Variants in TRIO observed in about 807,000 individuals in gnomAD.
TRIO encodes trio Rho guanine nucleotide exchange factor.
TRIO carries 58 observed loss-of-function variants against 351.9 expected under a neutral mutation model. The observed-to-expected ratio is 0.16, with a 90% CI of 0.13 to 0.21. The LOEUF is 0.21. TRIO is among the 10% of genes least tolerant of loss of function. The probability of loss-of-function intolerance (pLI) is 1.00; values close to 1 mark genes in which losing one functional copy is unlikely to be tolerated. For synonymous variants in TRIO, 1,758 were observed against 1,595.7 expected, an observed-to-expected ratio of 1.10 and a Z score of -2.42; for missense variants, 3,201 against 4,027.8, an observed-to-expected ratio of 0.79 and a Z score of 5.56.
chr5:14,485,045 G>T, intron 46 of TRIO, 24 bp from the exon 47 acceptor site: 6 of 1,520,196 alleles, frequency 3.9e-6, no homozygotes, highest in Non-Finnish European at 5.3e-6. Flanking sequence ...TAGCTATTAT[G>T]AATAATGTTT....
At chr5:14,169,171 T>A (rs998584289) in intron 1 of TRIO, among the ~76,000 whole-genome samples, 1 of 129,634 alleles carries the variant, frequency 7.7e-6, no homozygotes, top group Non-Finnish European at 1.8e-5. Context: ...TCCGTTATAT[T>A]CTTTTTTAAT....
intron 2 of TRIO, among the ~76,000 whole-genome samples, chr5:14,276,014 A>ATT (rs1468952979): frequency 1.3e-5 from 2 of 148,498 alleles, no homozygotes; most frequent in South Asian, 4.2e-4. Context: ...GTATATATAT[A>ATT]GTTAATTCAG....
At chr5:14,201,122 T>G (rs1561194698) in intron 1 of TRIO, among the ~76,000 whole-genome samples, 1 of 152,026 alleles carries the variant, frequency 6.6e-6, no homozygotes. Flanking sequence ...TAGCCGGGCG[T>G]TGTGCCACGT....
intron 1 of TRIO, among the ~76,000 whole-genome samples, chr5:14,254,073 G>A (rs530033795): frequency 4.6e-5 from 7 of 152,132 alleles, no homozygotes; most frequent in African/African-American, 1.7e-4. Flanking sequence ...TTCTAATATG[G>A]TAAATACCCA....
intron 18 of TRIO, among the ~76,000 whole-genome samples, chr5:14,370,431 T>G (rs980227828): frequency 6.6e-6 from 1 of 152,188 alleles, no homozygotes; most frequent in African/African-American, 2.4e-5. Context: ...GAGGCTCTGC[T>G]TGTTATCACC....
chr5:14,181,696 C>G (rs993664851), intron 1 of TRIO, among the ~76,000 whole-genome samples: 2 of 152,196 alleles, frequency 1.3e-5, no homozygotes, highest in Non-Finnish European at 2.9e-5. Context: ...CTGCCCCCTG[C>G]TTGACTTAGA....
intron 46 of TRIO, among the ~76,000 whole-genome samples, chr5:14,483,553 C>G (rs1468796894): frequency 6.6e-6 from 1 of 152,310 alleles, no homozygotes; most frequent in South Asian, 2.1e-4. Flanking sequence ...GCGTCCTCCC[C>G]CATCCGACTC....
chr5:14,381,010 A>T, intron 20 of TRIO, 120 bp from the exon 21 acceptor site: 1 of 1,313,782 alleles, frequency 7.6e-7, no homozygotes, highest in Non-Finnish European at 1.0e-6. Context: ...CTGGGAGGGA[A>T]TGCTTCTCGA....
chr5:14,147,052 G>A (rs1787561351), intron 1 of TRIO, among the ~76,000 whole-genome samples: 1 of 152,156 alleles, frequency 6.6e-6, no homozygotes, highest in Non-Finnish European at 1.5e-5. Context: ...GTGTGTTAAA[G>A]AGCAGTAAGA....
In TRIO at chr5:14,498,573, C is replaced by T; in HGVS notation, c.8265C>T (p.Gly2755=). Residue 2755 remains glycine (G), a synonymous_variant, in exon 53 of 57, where the codon GGC becomes GGT. Transcript: ENST00000344204. Reference sequence around the variant, plus strand: ...TGGGCGTGACCACGGAAGATGACGGCATCTACACGTGCATCGCTGTCAATG... The same window carrying T: ...TGGGCGTGACCACGGAAGATGACGGTATCTACACGTGCATCGCTGTCAATG... ...KIVGVTTEDD[G]IYTCIAVNDM... is the part of the protein sequence containing the mutation. 6.2e-7 allele frequency: 1 copy of T among 1,613,552 alleles called. No individual in the cohort carries two copies. The highest frequency in any genetic ancestry group is 8.5e-7 in the Non-Finnish European group (1 of 1,179,796).
intron 34 of TRIO, among the ~76,000 whole-genome samples, chr5:14,437,147 A>T (rs1751649400): frequency 6.6e-6 from 1 of 152,144 alleles, no homozygotes; most frequent in African/African-American, 2.4e-5. Flanking sequence ...TATTTGTTCC[A>T]TCCTATTCTA....
At chr5:14,296,731 C>T (rs1418626743) in intron 6 of TRIO, among the ~76,000 whole-genome samples, 7 of 152,148 alleles carry the variant, frequency 4.6e-5, no homozygotes, top group Non-Finnish European at 7.3e-5. Context: ...GCAGGCTTGC[C>T]ATCTGGACCC....
intron 40 of TRIO, among the ~76,000 whole-genome samples, chr5:14,475,612 A>G (rs537238640): frequency 1.7e-4 from 26 of 152,330 alleles, no homozygotes; most frequent in African/African-American, 6.3e-4. Context: ...TTTACAGATA[A>G]ATGATCGGTA....
At position 14,487,803 on chromosome 5, in the gene TRIO, GGCGGCCCCCCGGCGCGGAC is replaced by G; in HGVS notation, c.7178_7196del (p.Arg2393ProfsTer14). On this transcript the variant is annotated frameshift_variant, in exon 48 of 57. Coordinates refer to ENST00000344204, the MANE Select transcript of TRIO (RefSeq NM_007118.4). LOFTEE classifies it high-confidence loss of function. Reference sequence around the variant, plus strand: ...GAGGCCGGCCCCAGCGCGCCCAGCAGGCGGCCCCCCGGCGCGGACGCCGAGGGGTCCGAGCGAGAAGCGG... The same window carrying G: ...GAGGCCGGCCCCAGCGCGCCCAGCAGGCCGAGGGGTCCGAGCGAGAAGCGG... 7.1e-7 allele frequency: 1 copy of G among 1,414,490 alleles called. No individual in the cohort carries two copies. Among genetic ancestry groups the G allele is most frequent in the Non-Finnish European group, 9.2e-7 (1 of 1,083,262 alleles). The allele number at this position is 1,414,490 out of a possible 1,614,324, so 87.6% of individuals were successfully genotyped here.
chr5:14,377,497 G>A (rs1465281668), intron 19 of TRIO, among the ~76,000 whole-genome samples: 4 of 151,918 alleles, frequency 2.6e-5, no homozygotes, highest in Admixed American at 2.0e-4. Context: ...CCACCCATCC[G>A]CCTCAGCCTC....
At chr5:14,342,501 T>A (rs901674553) in intron 11 of TRIO, among the ~76,000 whole-genome samples, 1 of 152,220 alleles carries the variant, frequency 6.6e-6, no homozygotes, top group Non-Finnish European at 1.5e-5. Context: ...CACTTCCTCC[T>A]TGGGGGCTTT....
chr5:14,432,757 A>T (rs1751271194), intron 34 of TRIO, among the ~76,000 whole-genome samples: 1 of 152,238 alleles, frequency 6.6e-6, no homozygotes, highest in Non-Finnish European at 1.5e-5. Context: ...ATCAGTTTGC[A>T]TCCAGGAGTA....
At chr5:14,159,556 G>GA (rs1171848574) in intron 1 of TRIO, among the ~76,000 whole-genome samples, 2 of 151,750 alleles carry the variant, frequency 1.3e-5, no homozygotes, top group African/African-American at 4.8e-5. Flanking sequence ...CTGCTAGTGT[G>GA]AGCTTTATAT....
intron 1 of TRIO, among the ~76,000 whole-genome samples, chr5:14,156,298 G>C (rs1484311783): frequency 6.6e-6 from 1 of 152,094 alleles, no homozygotes; most frequent in Admixed American, 6.5e-5. Context: ...TTGGAGAAAT[G>C]GTTCATTTTA....
Sources: gnomAD v4.1 joint callset for allele counts (sites outside exome capture counted in the v4.1 genomes callset) on GRCh38, gnomAD v4.1.1 for gene constraint, MANE v1.5 for transcripts, NCBI Gene and HGNC (gene_info 2026-07-23, HGNC 2026-07-21) for gene names.